The following ZNF69 variants were observed in gnomAD, a reference collection of about 807,000 sequenced individuals.
The protein encoded by ZNF69 is ZNF3.
A neutral mutation model predicts 50.9 loss-of-function variants in ZNF69; 47 were observed. That is an observed-to-expected ratio of 0.92 (90% CI 0.73 to 1.18). The LOEUF (loss-of-function observed/expected upper bound fraction) is 1.18. ZNF69 is among the 50% of genes most tolerant of loss of function. The probability of loss-of-function intolerance (pLI) is 0.00; values close to 1 mark genes in which losing one functional copy is unlikely to be tolerated. For missense variants in ZNF69, 717 were observed against 675.1 expected, an observed-to-expected ratio of 1.06 and a Z score of -0.69; for synonymous variants, 216 against 223.1, an observed-to-expected ratio of 0.97 and a Z score of 0.29.
At chr19:11,977,363 T>C in the ZNF69 span, 7 of 1,613,734 alleles carry the variant, frequency 4.3e-6, no homozygotes, top group African/African-American at 1.3e-5. Context: ...TCTGTGTCTG[T>C]ATTTTAGGGA....
At chr19:11,915,808 G>A (rs1414615391), downstream of ZNF69, among the ~76,000 whole-genome samples, 1 of 152,216 alleles carries the variant, frequency 6.6e-6, no homozygotes, top group Non-Finnish European at 1.5e-5. Context: ...GGAGGCTGAG[G>A]CACGAGAGTA....
intron 1 of ZNF69, among the ~76,000 whole-genome samples, chr19:11,895,880 T>C (rs961738094): frequency 9.3e-4 from 142 of 152,336 alleles, no homozygotes; most frequent in African/African-American, 3.2e-3. Context: ...ACCACTTGTA[T>C]CATTGGCTGG....
At chr19:11,959,366 G>A in the ZNF69 span, among the ~76,000 whole-genome samples, 1 of 152,118 alleles carries the variant, frequency 6.6e-6, no homozygotes, top group African/African-American at 2.4e-5. Flanking sequence ...AAAATAAATA[G>A]GCCTTGGGCA....
At chr19:11,899,040 C>A (rs1427984245) in intron 1 of ZNF69, among the ~76,000 whole-genome samples, 1 of 152,190 alleles carries the variant, frequency 6.6e-6, no homozygotes, top group Non-Finnish European at 1.5e-5. Context: ...TCCACCATCA[C>A]AGTCTTATAC....
intron 1 of ZNF69, among the ~76,000 whole-genome samples, chr19:11,902,093 C>T (rs1407428585): frequency 6.6e-6 from 1 of 151,414 alleles, no homozygotes; most frequent in Non-Finnish European, 1.5e-5. Flanking sequence ...AGCAATTCTC[C>T]TGCCTCAGCC....
At chr19:11,945,115 A>ATAC in the ZNF69 span, among the ~76,000 whole-genome samples, 1 of 152,206 alleles carries the variant, frequency 6.6e-6, no homozygotes, top group African/African-American at 2.4e-5. Context: ...ACACAGTGTA[A>ATAC]AAGGCTTTGT....
At chr19:11,914,843 A>G (rs527890536), downstream of ZNF69, among the ~76,000 whole-genome samples, 28 of 152,346 alleles carry the variant, frequency 1.8e-4, no homozygotes, top group African/African-American at 6.5e-4. Flanking sequence ...TAATGTATCC[A>G]CATCAGTGAA....
chr19:11,931,027 C>G, the ZNF69 span, among the ~76,000 whole-genome samples: 1 of 147,570 alleles, frequency 6.8e-6, no homozygotes, highest in African/African-American at 2.7e-5. Flanking sequence ...CATAGATGCC[C>G]TCGTTTCACA....
chr19:11,948,176 C>G, the ZNF69 span: 1 of 1,374,790 alleles, frequency 7.3e-7, no homozygotes, highest in Admixed American at 2.3e-5. Flanking sequence ...AAAGCCTACA[C>G]TTTGATGGAC....
chr19:11,938,482 G>A, the ZNF69 span, among the ~76,000 whole-genome samples: 2 of 152,130 alleles, frequency 1.3e-5, no homozygotes, highest in African/African-American at 4.8e-5. Flanking sequence ...AGAATATGCG[G>A]TGTTTGGTTT....
At chr19:11,891,155 A>T (rs904978796) in intron 1 of ZNF69, among the ~76,000 whole-genome samples, 1 of 152,090 alleles carries the variant, frequency 6.6e-6, no homozygotes, top group Non-Finnish European at 1.5e-5. Flanking sequence ...GGCCAGCATG[A>T]TGGCTTAGAT....
the ZNF69 span, among the ~76,000 whole-genome samples, chr19:11,971,222 C>T: frequency 7.2e-4 from 109 of 152,208 alleles, 3 homozygotes; most frequent in South Asian, 0.021. Context: ...GGTAATGGCC[C>T]GCTTCCTGGT....
At chr19:11,951,065 C>T in the ZNF69 span, among the ~76,000 whole-genome samples, 18 of 148,240 alleles carry the variant, frequency 1.2e-4, no homozygotes, top group South Asian at 4.3e-4. Context: ...GCAGGAGAAT[C>T]GCTTGAACCT....
intron 4 of ZNF69, among the ~76,000 whole-genome samples, chr19:11,912,451 C>A (rs960583279): frequency 6.6e-6 from 1 of 151,980 alleles, no homozygotes; most frequent in African/African-American, 2.4e-5. Flanking sequence ...CCTATGAAGG[C>A]AAGCAATGTG....
chr19:11,945,293 C>A, the ZNF69 span, among the ~76,000 whole-genome samples: 1 of 152,210 alleles, frequency 6.6e-6, no homozygotes, highest in Non-Finnish European at 1.5e-5. Flanking sequence ...GTCTGCAGAA[C>A]CCTACTGCTC....
downstream of ZNF69, among the ~76,000 whole-genome samples, chr19:11,907,356 C>T (rs1230941306): frequency 6.6e-6 from 1 of 152,156 alleles, no homozygotes; most frequent in Non-Finnish European, 1.5e-5. Context: ...AGGAGCAACT[C>T]CAAGACACAT....
At position 11,895,004 on chromosome 19, in the gene ZNF69, C is replaced by T. The variant is rs754071366; in HGVS notation, c.63+7018C>T. 6.6e-5 allele frequency among the ~76,000 whole-genome samples: 10 copies of T among 152,158 alleles called. No homozygotes were observed. The East Asian group carries it at 1.5e-3, about 23-fold the overall frequency. On this transcript the variant is annotated intron_variant, in intron 1 of 3. Transcript: ENST00000429654. ...TGGTGGAAAGTAGTCATGAGCGCTT[C>T]GGTGAGCAGGATGGGGGTGGAGAGA...
chr19:11,942,914 C>T, the ZNF69 span, among the ~76,000 whole-genome samples: 1 of 152,178 alleles, frequency 6.6e-6, no homozygotes, highest in East Asian at 1.9e-4. Flanking sequence ...CTTATTCCCC[C>T]CTTTGAGAAT....
At chr19:11,951,389 C>T in the ZNF69 span, among the ~76,000 whole-genome samples, 2 of 151,686 alleles carry the variant, frequency 1.3e-5, no homozygotes, top group Non-Finnish European at 2.9e-5. Flanking sequence ...CCACCTCACC[C>T]AGCTAGTATT....
Sources: allele counts gnomAD v4.1 joint callset (sites outside exome capture counted in the v4.1 genomes callset), GRCh38; gene constraint gnomAD v4.1.1; transcripts MANE v1.5; gene names NCBI Gene and HGNC (gene_info 2026-07-23, HGNC 2026-07-21).